IL1RAPL2: variants seen among roughly 807,000 people sequenced by gnomAD.
IL1RAPL2 encodes X-linked interleukin-1 receptor accessory protein-like 2.
A neutral mutation model predicts 44.1 loss-of-function variants in IL1RAPL2; 3 were observed. That is an observed-to-expected ratio of 0.07 (90% CI 0.03 to 0.18). The LOEUF is 0.18. Among genes scored for constraint, IL1RAPL2 ranks in the 10% least tolerant of loss-of-function variants. The pLI, the probability that IL1RAPL2 is intolerant of heterozygous loss-of-function variation, is 1.00. For synonymous variants in IL1RAPL2, 181 were observed against 178.8 expected, an observed-to-expected ratio of 1.01 and a Z score of -0.10; for missense variants, 391 against 496.4, an observed-to-expected ratio of 0.79 and a Z score of 2.02.
chrX:104,908,162 T>C (rs1377659976), intron 2 of IL1RAPL2, among the ~76,000 whole-genome samples: 264 of 111,472 alleles, frequency 2.4e-3, no homozygotes, highest in Middle Eastern at 0.014. Context: ...CTTGGTAGAT[T>C]TTCCTCCATC....
chrX:105,313,393 T>C (rs2034813099), intron 5 of IL1RAPL2, among the ~76,000 whole-genome samples: 1 of 112,218 alleles, frequency 8.9e-6, no homozygotes, highest in Admixed American at 9.5e-5. Flanking sequence ...ACAGAATGAC[T>C]TCAACAGAAA....
At chrX:104,777,989 C>G (rs1932747233) in intron 2 of IL1RAPL2, among the ~76,000 whole-genome samples, 1 of 111,019 alleles carries the variant, frequency 9.0e-6, no homozygotes, top group African/African-American at 3.3e-5. Context: ...ACCAACAATG[C>G]ACAAGGTTGT....
chrX:104,944,692 T>A (rs1925296780), intron 2 of IL1RAPL2, among the ~76,000 whole-genome samples: 1 of 112,146 alleles, frequency 8.9e-6, no homozygotes, highest in African/African-American at 3.2e-5. Flanking sequence ...TTCCTAGGCC[T>A]TATTTTCAGC....
chrX:105,448,605 T>A lies in IL1RAPL2; in HGVS notation c.698-35708T>A, dbSNP rs756391508. Among the ~76,000 whole-genome samples, 5 of 111,118 alleles carry A rather than the reference T, an allele frequency of 4.5e-5. No individual in the cohort carries two copies. The East Asian group carries it at 1.4e-3, about 32-fold the overall frequency. ...GTCTCAAACTGCTGACCTTAGGTGA[T>A]CCACCCTCCTTGGCCTCCCAATGTG... On this transcript the variant is annotated intron_variant, in intron 5 of 10. Coordinates refer to ENST00000372582, the MANE Select transcript of IL1RAPL2 (RefSeq NM_017416.2).
At chrX:105,655,144 A>G (rs758072334) in intron 6 of IL1RAPL2, among the ~76,000 whole-genome samples, 1 of 112,624 alleles carries the variant, frequency 8.9e-6, no homozygotes, top group South Asian at 3.7e-4. Flanking sequence ...CCGTAAGCCT[A>G]ACATAAGTGA....
At chrX:104,985,833 A>C (rs769918414) in intron 2 of IL1RAPL2, among the ~76,000 whole-genome samples, 2 of 112,434 alleles carry the variant, frequency 1.8e-5, no homozygotes, top group South Asian at 7.4e-4. Context: ...TGAGATCCAG[A>C]CGCATTACAT....
intron 2 of IL1RAPL2, among the ~76,000 whole-genome samples, chrX:104,874,049 C>G (rs1922832926): frequency 9.0e-6 from 1 of 110,498 alleles, no homozygotes; most frequent in African/African-American, 3.3e-5. Flanking sequence ...TTGGACTGAT[C>G]TTTGATGCTG....
chrX:105,163,038 C>T (rs6616574), intron 2 of IL1RAPL2, among the ~76,000 whole-genome samples: 1 of 111,752 alleles, frequency 8.9e-6, no homozygotes, highest in Non-Finnish European at 1.9e-5. Flanking sequence ...CCTTTAACTT[C>T]TAGATCAGCT....
At chrX:104,831,189 T>A (rs1419076361) in intron 2 of IL1RAPL2, among the ~76,000 whole-genome samples, 1 of 111,855 alleles carries the variant, frequency 8.9e-6, no homozygotes, top group African/African-American at 3.2e-5. Flanking sequence ...GGTAGGAGTG[T>A]TTATTTCATT....
intron 6 of IL1RAPL2, among the ~76,000 whole-genome samples, chrX:105,625,422 G>A (rs779327122): frequency 8.9e-6 from 1 of 111,995 alleles, no homozygotes; most frequent in African/African-American, 3.2e-5. Flanking sequence ...GGAGCACAGA[G>A]GAAGAAATGA....
intron 2 of IL1RAPL2, among the ~76,000 whole-genome samples, chrX:104,731,886 T>A (rs765085829): frequency 9.0e-6 from 1 of 111,493 alleles, no homozygotes; most frequent in African/African-American, 3.3e-5. Context: ...TTCTTTTGAG[T>A]TACATGTGAA....
chrX:105,308,466 A>G (rs746280661), intron 5 of IL1RAPL2, among the ~76,000 whole-genome samples: 1 of 112,552 alleles, frequency 8.9e-6, no homozygotes, highest in South Asian at 3.6e-4. Context: ...AATTTAGAAC[A>G]TTTCAATCAC....
chrX:105,032,011 C>T (rs922298525), intron 2 of IL1RAPL2, among the ~76,000 whole-genome samples: 2 of 111,362 alleles, frequency 1.8e-5, no homozygotes, highest in Non-Finnish European at 3.8e-5. Flanking sequence ...AGTTTATTTG[C>T]GTAGAGGTGT....
At chrX:104,968,304 A>G (rs1165592265) in intron 2 of IL1RAPL2, among the ~76,000 whole-genome samples, 2 of 111,960 alleles carry the variant, frequency 1.8e-5, no homozygotes, top group Non-Finnish European at 3.8e-5. Context: ...CAATATATAC[A>G]GTAAAAACAT....
chrX:105,479,310 C>T (rs945866867), intron 5 of IL1RAPL2, among the ~76,000 whole-genome samples: 2 of 111,628 alleles, frequency 1.8e-5, no homozygotes, highest in African/African-American at 6.5e-5. Context: ...TAAATCATAA[C>T]TATGGTAGCT....
chrX:104,885,817 A>T (rs1211421025), intron 2 of IL1RAPL2, among the ~76,000 whole-genome samples: 1 of 112,814 alleles, frequency 8.9e-6, no homozygotes. Flanking sequence ...AGATTGTCCA[A>T]TGAGAAACAA....
intron 2 of IL1RAPL2, among the ~76,000 whole-genome samples, chrX:104,989,096 A>G (rs1214818927): frequency 8.9e-6 from 1 of 111,893 alleles, no homozygotes; most frequent in Non-Finnish European, 1.9e-5. Flanking sequence ...AGTATAGTGC[A>G]TAAGAAATGT....
intron 4 of IL1RAPL2, among the ~76,000 whole-genome samples, chrX:105,248,381 G>A (rs1477272953): frequency 9.0e-6 from 1 of 111,601 alleles, no homozygotes; most frequent in African/African-American, 3.2e-5. Context: ...ACAAAAAATA[G>A]AACTAATGAG....
chrX:104,787,485 G>T (rs968371229), intron 2 of IL1RAPL2, among the ~76,000 whole-genome samples: 5 of 111,700 alleles, frequency 4.5e-5, no homozygotes, highest in African/African-American at 1.6e-4. Flanking sequence ...ATGAGTCAGT[G>T]AGTCTACAGA....
Sources: allele counts gnomAD v4.1 joint callset (sites outside exome capture counted in the v4.1 genomes callset), GRCh38; gene constraint gnomAD v4.1.1; transcripts MANE v1.5; gene names NCBI Gene and HGNC (gene_info 2026-07-23, HGNC 2026-07-21).